The following PLCE1 variants were observed in gnomAD, a reference collection of about 807,000 sequenced individuals.
PLCE1 encodes phospholipase C epsilon 1, also known as 1-phosphatidylinositol 4,5-bisphosphate phosphodiesterase epsilon-1.
Under a neutral mutation model 242.8 loss-of-function variants are expected in PLCE1, and 119 were observed. The ratio of observed to expected loss-of-function variants is 0.49; its 90% CI spans 0.42 to 0.57. PLCE1 has a LOEUF of 0.57. Ranked by LOEUF, PLCE1 falls within the 20% of genes least tolerant of loss-of-function variation. PLCE1 has a pLI of 0.00. For synonymous variants in PLCE1, 945 were observed against 1,017.4 expected, an observed-to-expected ratio of 0.93 and a Z score of 1.35; for missense variants, 2,441 against 2,788.8, an observed-to-expected ratio of 0.88 and a Z score of 2.81.
chr10:94,313,674 G>A (rs753409416), intron 28 of PLCE1, among the ~76,000 whole-genome samples: 7 of 152,112 alleles, frequency 4.6e-5, no homozygotes, highest in South Asian at 2.1e-4. Context: ...GATAAAGACC[G>A]GAATGAGTGG....
At chr10:94,133,152 A>C (rs866449287) in intron 3 of PLCE1, among the ~76,000 whole-genome samples, 5 of 152,252 alleles carry the variant, frequency 3.3e-5, no homozygotes, top group African/African-American at 1.2e-4. Flanking sequence ...TGTGGTTGGG[A>C]GCAGAGTGAA....
At chr10:94,317,094 T>C (rs569599097) in intron 29 of PLCE1, among the ~76,000 whole-genome samples, 3 of 152,004 alleles carry the variant, frequency 2.0e-5, no homozygotes, top group African/African-American at 7.2e-5. Context: ...CTACTAAAAA[T>C]ACAAAAATTA....
At position 94,306,358 on chromosome 10, in the gene PLCE1, T is replaced by A; in HGVS notation, c.5623-69T>A. 1.2e-6 allele frequency: 2 copies of A among 1,613,046 alleles called. No individual in the cohort carries two copies. The highest frequency in any genetic ancestry group is 1.7e-6 in the Non-Finnish European group (2 of 1,179,228). On this transcript the variant is annotated intron_variant, in intron 25 of 32. Transcript: ENST00000371380. The surrounding 1 kb of genome is among the most constrained non-coding windows in gnomAD (Gnocchi z 5.7). ...GGGATTCCTTTGCAGAGGGAAGCAG[T>A]GAGGTGCAGAGGTTGTCTTTCTTTT... is the stretch of plus-strand genomic sequence containing the variant.
chr10:94,207,004 A>C lies in PLCE1; in HGVS notation c.1810-20302A>C, dbSNP rs554922918. On this transcript the variant is annotated intron_variant, in intron 4 of 32. Transcript: ENST00000371380. ...GGTAAATGCTTTAATAAAAGGTCAAATTTACTTTCACTTTCATAATTATAA... is the reference window on the plus strand; with the variant it reads ...GGTAAATGCTTTAATAAAAGGTCAACTTTACTTTCACTTTCATAATTATAA... 1.2e-3 allele frequency among the ~76,000 whole-genome samples: 179 copies of C among 152,372 alleles called. 1 individual carries two copies. Among genetic ancestry groups the C allele is most frequent in the South Asian group, 1.9e-3 (9 of 4,830 alleles).
chr10:94,221,617 T>C (rs112301830), intron 4 of PLCE1, among the ~76,000 whole-genome samples: 2,924 of 152,124 alleles, frequency 0.019, 50 homozygotes, highest in African/African-American at 0.054. Context: ...TGCCTGTAAT[T>C]CCAGCTACTT....
chr10:94,049,655 T>G (rs983270002), intron 2 of PLCE1, among the ~76,000 whole-genome samples: 1 of 152,112 alleles, frequency 6.6e-6, no homozygotes, highest in African/African-American at 2.4e-5. Flanking sequence ...CAGAAAAATA[T>G]GCAAATCATA....
intron 2 of PLCE1, among the ~76,000 whole-genome samples, chr10:94,049,153 T>C (rs2043692051): frequency 6.6e-6 from 1 of 152,178 alleles, no homozygotes; most frequent in Non-Finnish European, 1.5e-5. Flanking sequence ...TTTGTAAGAT[T>C]TTGAATAAGC....
Position 94,032,127 on chromosome 10 carries a change from T to A in PLCE1, c.1081T>A (p.Trp361Arg), listed in dbSNP as rs564879389. ...LPSGHIGLTA[W>R]SYIDQKRNGP... ...TTCTGGCCACATTGGGCTGACTGCA[T>A]GGAGTTACATAGATCAGAAGAGAAA... Residue 361 changes from tryptophan (W) to arginine (R), a missense_variant, in exon 2 of 33, where the codon TGG becomes AGG. Coordinates refer to ENST00000371380, the MANE Select transcript of PLCE1 (RefSeq NM_016341.4). 1.2e-6 allele frequency: 2 copies of A among 1,609,546 alleles called. No individual in the cohort carries two copies. The highest frequency in any genetic ancestry group is 1.7e-6 in the Non-Finnish European group (2 of 1,178,522).
At chr10:94,284,047 C>G in intron 21 of PLCE1, 136 bp downstream of exon 21, 1 of 1,027,042 alleles carries the variant, frequency 9.7e-7, no homozygotes, top group South Asian at 1.3e-5. Context: ...CCAAAGTTCA[C>G]TTGGTGATAT....
At chr10:94,085,152 T>G (rs2044767778) in intron 2 of PLCE1, among the ~76,000 whole-genome samples, 1 of 152,156 alleles carries the variant, frequency 6.6e-6, no homozygotes, top group African/African-American at 2.4e-5. Flanking sequence ...ATCTTGTGTT[T>G]GGGGGTACTA....
intron 2 of PLCE1, among the ~76,000 whole-genome samples, chr10:94,081,646 A>G (rs1206579291): frequency 1.3e-5 from 2 of 152,334 alleles, no homozygotes; most frequent in African/African-American, 2.4e-5. Context: ...ACATGTCCTC[A>G]GGCATTTGCT....
intron 10 of PLCE1, among the ~76,000 whole-genome samples, 182 bp from the exon 11 acceptor site, chr10:94,254,711 T>G (rs916448508): frequency 6.6e-6 from 1 of 152,210 alleles, no homozygotes; most frequent in African/African-American, 2.4e-5. Context: ...AGTTCTAACA[T>G]GTAGCCAGTT....
At chr10:94,020,736 A>G (rs763563768) in intron 1 of PLCE1, among the ~76,000 whole-genome samples, 1 of 151,540 alleles carries the variant, frequency 6.6e-6, no homozygotes, top group Non-Finnish European at 1.5e-5. Flanking sequence ...TGCATTTATT[A>G]TTTTGTGGGA....
chr10:94,040,853 A>G (rs1163695927), intron 2 of PLCE1, among the ~76,000 whole-genome samples: 1 of 152,210 alleles, frequency 6.6e-6, no homozygotes, highest in African/African-American at 2.4e-5. Flanking sequence ...ATACTATTTC[A>G]TGACATGAAA....
intron 2 of PLCE1, among the ~76,000 whole-genome samples, chr10:94,061,011 A>G (rs1039430790): frequency 2.0e-5 from 3 of 151,924 alleles, no homozygotes. Context: ...CCCTTATTTA[A>G]CTTATGAAAC....
At chr10:94,265,090 G>A (rs1321988721) in intron 14 of PLCE1, among the ~76,000 whole-genome samples, 2 of 152,222 alleles carry the variant, frequency 1.3e-5, no homozygotes, top group African/African-American at 4.8e-5. Flanking sequence ...TACACTACAG[G>A]GTGTCAGCAG....
chr10:94,161,758 T>C (rs912276137), intron 3 of PLCE1, among the ~76,000 whole-genome samples: 5 of 152,120 alleles, frequency 3.3e-5, no homozygotes, highest in African/African-American at 1.2e-4. Flanking sequence ...ATGCTTCCAG[T>C]TTTTGCCCAT....
intron 2 of PLCE1, 66 bp downstream of exon 2, chr10:94,032,318 A>G: frequency 7.0e-7 from 1 of 1,418,534 alleles, no homozygotes; most frequent in South Asian, 1.2e-5. Flanking sequence ...AAAAGTCCAA[A>G]TTTCCATTGT....
rs749225777 is a variant in PLCE1, at chr10:94,234,221, T to C, written c.2123T>C (p.Val708Ala). The C allele has an allele frequency of 6.2e-7, 1 of 1,614,012 alleles. No individual in the cohort carries two copies. The stretch of plus-strand genomic sequence containing the variant: ...TGTAAGGTGGTTCCATTCTGTGGGG[T>C]GTTTCTGAAGGAGCTCTGTGAAGTG... ...PGCKVVPFCGVFLKELCEVLD... is the reference protein window; with the variant it reads ...PGCKVVPFCGAFLKELCEVLD... Residue 708 changes from valine to alanine, a missense_variant, in exon 6 of 33, where the codon GTG (valine) becomes GCG (alanine). By Grantham distance (64) the Val-to-Ala change is moderately conservative (BLOSUM62 0). This residue lies in a region of PLCE1 where 733 missense variants were observed against 754.2 expected (regional missense o/e 0.97). Transcript: ENST00000371380.
Sources: allele counts gnomAD v4.1 joint callset (sites outside exome capture counted in the v4.1 genomes callset), GRCh38; gene constraint gnomAD v4.1.1; regional missense constraint gnomAD v4.1.1; non-coding constraint Gnocchi (gnomAD v3.1); transcripts MANE v1.5; gene names NCBI Gene and HGNC (gene_info 2026-07-23, HGNC 2026-07-21).